The following SOCS6 variants were observed in gnomAD, a reference collection of about 807,000 sequenced individuals.
SOCS6 encodes the protein STAT induced STAT inhibitor-4.
In SOCS6, 5 loss-of-function variants were observed where a neutral mutation model predicts 27.7. That is an observed-to-expected ratio of 0.18 (90% confidence interval 0.09 to 0.38). The LOEUF (loss-of-function observed/expected upper bound fraction) is 0.38, where lower values mean the gene tolerates loss of function less well. Among genes scored for constraint, SOCS6 ranks in the 10% least tolerant of loss-of-function variants. The pLI is 1.00. For synonymous variants in SOCS6, 271 were observed against 260.0 expected, an observed-to-expected ratio of 1.04 and a Z score of -0.41; for missense variants, 595 against 688.1, an observed-to-expected ratio of 0.86 and a Z score of 1.51.
chr18:70,291,916 A>G (rs1271213797), intron 1 of SOCS6, among the ~76,000 whole-genome samples: 2 of 152,204 alleles, frequency 1.3e-5, no homozygotes, highest in Non-Finnish European at 2.9e-5. Flanking sequence ...AAGAGGAACA[A>G]CGTAAGATGT....
intron 1 of SOCS6, among the ~76,000 whole-genome samples, chr18:70,292,769 C>A (rs1289904258): frequency 6.6e-6 from 1 of 152,216 alleles, no homozygotes; most frequent in Admixed American, 6.5e-5. Flanking sequence ...CTGCCCTAGC[C>A]TTTCCGTTCC....
Position 70,326,030 on chromosome 18 carries a change from A to G in SOCS6, c.1362A>G (p.Ile454Met). 6.2e-7 allele frequency: 1 copy of G among 1,614,258 alleles called. No individual in the cohort carries two copies. Among genetic ancestry groups the G allele is most frequent in the Non-Finnish European group, 8.5e-7 (1 of 1,180,032 alleles). Residue 454 changes from isoleucine (I) to methionine (M), a missense_variant, in exon 2 of 2, where the codon ATA becomes ATG. Coordinates refer to ENST00000397942, the MANE Select transcript of SOCS6 (RefSeq NM_004232.4). Reference sequence around the variant, plus strand: ...CAGATGTGGAAGGACATACGTCCATAGTTGATCTAATTGAGCATTCAATCA... The same window carrying G: ...CAGATGTGGAAGGACATACGTCCATGGTTGATCTAATTGAGCATTCAATCA... The part of the protein sequence containing the change: ...EQPDVEGHTS[I>M]VDLIEHSIRD...
chr18:70,325,409 C>T lies in SOCS6; in HGVS notation c.741C>T (p.Pro247=). The change falls in exon 2 of 2, where the codon CCC becomes CCT. Residue 247 remains proline (P), a synonymous_variant. Transcript: ENST00000397942. The surrounding 1 kb of genome is among the most constrained non-coding windows in gnomAD (Gnocchi z 6.3). ...SRSYCLDSSS[P]MEVSAVPPQV... ...GCTATTGTCTGGACAGCTCTTCTCCCATGGAAGTCTCTGCGGTTCCTCCTC... is the reference window on the plus strand; with the variant it reads ...GCTATTGTCTGGACAGCTCTTCTCCTATGGAAGTCTCTGCGGTTCCTCCTC... 6.2e-7 allele frequency: 1 copy of T among 1,614,214 alleles called. No homozygotes were observed. Among genetic ancestry groups the T allele is most frequent in the Non-Finnish European group, 8.5e-7 (1 of 1,180,050 alleles).
intron 1 of SOCS6, among the ~76,000 whole-genome samples, chr18:70,291,374 A>G (rs2062298687): frequency 6.6e-6 from 1 of 152,170 alleles, no homozygotes; most frequent in Admixed American, 6.5e-5. Context: ...CCCTGGGATT[A>G]CAGGCACGAA....
chr18:70,329,772 AAAG>A lies in SOCS6; in HGVS notation c.*3500_*3502del, dbSNP rs1344545356. 1.2e-5 allele frequency: 2 copies of A among 167,096 alleles called. No individual in the cohort carries two copies. The highest frequency in any genetic ancestry group is 2.9e-5 in the Non-Finnish European group (2 of 68,122). The allele number at this position is 167,096 out of a possible 1,614,324, so 10.4% of individuals were successfully genotyped here. ...TCTTTTAATACTTTTTTAATCCTGTAAAGAAGGGTTTTTATAAACATTCTTTTT... is the reference window on the plus strand; with the variant it reads ...TCTTTTAATACTTTTTTAATCCTGTAAAGGGTTTTTATAAACATTCTTTTT... On this transcript the variant is annotated 3_prime_UTR_variant, in exon 2 of 2. Transcript: ENST00000397942.
intron 1 of SOCS6, among the ~76,000 whole-genome samples, chr18:70,297,917 T>G (rs1384460075): frequency 6.6e-6 from 1 of 152,198 alleles, no homozygotes; most frequent in African/African-American, 2.4e-5. Flanking sequence ...AACTGAAAAC[T>G]CAAATTCTCT....
At chr18:70,311,393 G>A (rs1020162) in intron 1 of SOCS6, among the ~76,000 whole-genome samples, 8,969 of 152,148 alleles carry the variant, frequency 0.059, 878 homozygotes, top group African/African-American at 0.2. Context: ...GATGGATTAA[G>A]GAAAGTTGTT....
chr18:70,324,922 A>G lies in SOCS6; in HGVS notation c.254A>G (p.Gln85Arg). The G allele has an allele frequency of 6.2e-7, 1 of 1,614,216 alleles. No individual in the cohort carries two copies. Among genetic ancestry groups the G allele is most frequent in the Non-Finnish European group, 8.5e-7 (1 of 1,180,040 alleles). Residue 85 changes from glutamine (Q) to arginine (R), a missense_variant, in exon 2 of 2, where the codon CAG becomes CGG. Coordinates refer to ENST00000397942, the MANE Select transcript of SOCS6 (RefSeq NM_004232.4). The stretch of plus-strand genomic sequence containing the variant: ...CTAAAAAGGCGGCTTTCTGCAAAAC[A>G]GAAGTCAAAAGGCAAGGCGGGCACA... ...GTLKRRLSAKQKSKGKAGTPS... is the reference protein window; with the variant it reads ...GTLKRRLSAKRKSKGKAGTPS...
chr18:70,324,974 C>T lies in SOCS6; in HGVS notation c.306C>T (p.Asp102=), dbSNP rs143010911. 2,733 of 1,613,366 alleles carry T rather than the reference C, an allele frequency of 1.7e-3. 7 individuals carry two copies. Among genetic ancestry groups the T allele is most frequent in the Non-Finnish European group, 2.1e-3 (2,512 of 1,179,676 alleles). ...CCTCTGGGAGCTCTGCCGACGAGGACACCTTCTCCTCCTCCTCAGCACCCA... is the reference window on the plus strand; with the variant it reads ...CCTCTGGGAGCTCTGCCGACGAGGATACCTTCTCCTCCTCCTCAGCACCCA... ...GTPSGSSADE[D]TFSSSSAPIV... is the part of the protein sequence containing the mutation. Residue 102 remains aspartate, a synonymous_variant, in exon 2 of 2, where the codon GAC becomes GAT. Transcript: ENST00000397942.
At position 70,325,546 on chromosome 18, in the gene SOCS6, C is replaced by G. The variant is rs376804054; in HGVS notation, c.878C>G (p.Thr293Arg). 73 of 1,614,004 alleles carry G rather than the reference C, an allele frequency of 4.5e-5. No homozygotes were observed. Among genetic ancestry groups the G allele is most frequent in the Non-Finnish European group, 6.0e-5 (71 of 1,180,022 alleles). Residue 293 changes from threonine to arginine, a missense_variant, in exon 2 of 2, where the codon ACG becomes AGG. Coordinates refer to ENST00000397942, the MANE Select transcript of SOCS6 (RefSeq NM_004232.4). This position sits in a 1 kb window ranked among gnomAD's most constrained non-coding sequence, Gnocchi z 6.3. Reference protein sequence around the residue: ...QSVNGLLIGTTGVMLQSPRAG... With the variant: ...QSVNGLLIGTRGVMLQSPRAG... ...GTGAATGGCTTGTTGATTGGCACCA[C>G]GGGAGTCATGTTGCAGAGCCCGAGA... is the stretch of plus-strand genomic sequence containing the variant.
chr18:70,293,934 T>C lies in SOCS6; in HGVS notation c.-127+4844T>C, dbSNP rs1335808518. 1.3e-5 allele frequency among the ~76,000 whole-genome samples: 2 copies of C among 151,662 alleles called. 1 individual carries two copies. The highest frequency in any genetic ancestry group is 2.9e-5 in the Non-Finnish European group (2 of 67,920). ...AGTGAAACCCCGTCTCTACTAAAAATACAAAAATTAGCTGGGCATGGTGGC... is the reference window on the plus strand; with the variant it reads ...AGTGAAACCCCGTCTCTACTAAAAACACAAAAATTAGCTGGGCATGGTGGC... On this transcript the variant is annotated intron_variant, in intron 1 of 1. Transcript: ENST00000397942.
intron 1 of SOCS6, among the ~76,000 whole-genome samples, chr18:70,291,037 A>G (rs1333191660): frequency 2.6e-5 from 4 of 152,194 alleles, no homozygotes; most frequent in Non-Finnish European, 4.4e-5. Context: ...TTTGCCTTCC[A>G]GTGTTTTTCT....
At chr18:70,307,011 C>T (rs1255972931) in intron 1 of SOCS6, among the ~76,000 whole-genome samples, 1 of 152,106 alleles carries the variant, frequency 6.6e-6, no homozygotes, top group African/African-American at 2.4e-5. Flanking sequence ...GCCTGTAATC[C>T]CAACACTTTG....
rs778826739 is a variant in SOCS6, at chr18:70,325,656, A to T, written c.988A>T (p.Thr330Ser). Residue 330 changes from threonine to serine, a missense_variant, in exon 2 of 2, where the codon ACT (threonine) becomes TCT (serine). Physicochemically the swap from Thr to Ser is moderately conservative, Grantham distance 58 (BLOSUM62 1). Around this residue, in one of 2 missense-constraint regions of SOCS6, gnomAD observed 467 missense variants for 481.1 expected, o/e 0.97. Transcript: ENST00000397942. The surrounding 1 kb of genome is among the most constrained non-coding windows in gnomAD (Gnocchi z 6.3). ...NQIQRNFSGL[T>S]GTEAHVAESM... is the part of the protein sequence containing the mutation. ...AATCCAAAGGAACTTCAGTGGACTC[A>T]CTGGCACAGAAGCCCACGTGGCTGA... The T allele has an allele frequency of 6.2e-7, 1 of 1,614,190 alleles. No individual in the cohort carries two copies. The highest frequency in any genetic ancestry group is 8.5e-7 in the Non-Finnish European group (1 of 1,180,032).
intron 1 of SOCS6, among the ~76,000 whole-genome samples, chr18:70,294,030 G>A (rs2062312186): frequency 6.6e-6 from 1 of 151,802 alleles, no homozygotes; most frequent in Non-Finnish European, 1.5e-5. Context: ...GGTGGAGGTT[G>A]TGGTGAGCCG....
chr18:70,299,944 A>C (rs2062340917), intron 1 of SOCS6, among the ~76,000 whole-genome samples: 1 of 152,164 alleles, frequency 6.6e-6, no homozygotes, highest in Non-Finnish European at 1.5e-5. Context: ...CGTTTTATAT[A>C]AGGGACTTGA....
At chr18:70,297,003 C>CTGTTGT (rs755251752) in intron 1 of SOCS6, among the ~76,000 whole-genome samples, 2,297 of 122,042 alleles carry the variant, frequency 0.019, 61 homozygotes, top group African/African-American at 0.062. Context: ...TTTTTCTTGT[C>CTGTTGT]TGTTGTTGTT....
chr18:70,298,913 T>C (rs2062336146), intron 1 of SOCS6, among the ~76,000 whole-genome samples: 1 of 151,974 alleles, frequency 6.6e-6, no homozygotes, highest in Non-Finnish European at 1.5e-5. Flanking sequence ...TCACTTGAGG[T>C]CAGGAGTTCG....
At chr18:70,296,920 T>C (rs2062326134) in intron 1 of SOCS6, among the ~76,000 whole-genome samples, 1 of 150,176 alleles carries the variant, frequency 6.7e-6, no homozygotes, top group Non-Finnish European at 1.5e-5. Context: ...TTTTTTTTTC[T>C]GTCTTAAGCT....
Sources: gnomAD v4.1 joint callset for allele counts (sites outside exome capture counted in the v4.1 genomes callset) on GRCh38, gnomAD v4.1.1 for gene constraint, gnomAD v4.1.1 regional missense constraint, Gnocchi (gnomAD v3.1) non-coding constraint, MANE v1.5 for transcripts, NCBI Gene and HGNC (gene_info 2026-07-23, HGNC 2026-07-21) for gene names.